The following PNPLA1 variants were observed in gnomAD, a reference collection of about 807,000 sequenced individuals.
PNPLA1 encodes patatin like domain 1, omega-hydroxyceramide transacylase, also known as omega-hydroxyceramide transacylase.
A neutral mutation model predicts 51.7 loss-of-function variants in PNPLA1; 36 were observed. The observed-to-expected ratio is 0.70, with a 90% CI of 0.53 to 0.92. The LOEUF is 0.92. Ranked by LOEUF, PNPLA1 falls within the 40% of genes least tolerant of loss-of-function variation. The pLI, the probability that PNPLA1 is intolerant of heterozygous loss-of-function variation, is 0.00. For missense variants in PNPLA1, 658 were observed against 682.5 expected, an observed-to-expected ratio of 0.96 and a Z score of 0.40; for synonymous variants, 293 against 280.1, an observed-to-expected ratio of 1.05 and a Z score of -0.46.
intron 1 of PNPLA1, among the ~76,000 whole-genome samples, chr6:36,259,657 A>T (rs998907992): frequency 1.3e-5 from 2 of 152,182 alleles, no homozygotes; most frequent in African/African-American, 4.8e-5. Context: ...ATACAGCCAT[A>T]AAAAAGAATG....
At chr6:36,253,630 T>C (rs998751282) in intron 1 of PNPLA1, among the ~76,000 whole-genome samples, 1 of 152,132 alleles carries the variant, frequency 6.6e-6, no homozygotes, top group African/African-American at 2.4e-5. Flanking sequence ...AATGCATCAC[T>C]ACACCCAACT....
intron 1 of PNPLA1, among the ~76,000 whole-genome samples, chr6:36,253,274 A>G (rs931925091): frequency 1.3e-5 from 2 of 152,228 alleles, no homozygotes; most frequent in Admixed American, 6.5e-5. Flanking sequence ...GCTACTCAAC[A>G]TAGCATTGGG....
chr6:36,246,974 C>T (rs1318095626), intron 1 of PNPLA1, among the ~76,000 whole-genome samples: 1 of 152,224 alleles, frequency 6.6e-6, no homozygotes, highest in Non-Finnish European at 1.5e-5. Flanking sequence ...GCACTCCCTG[C>T]GGATTTTAGG....
rs1276862039 is a variant in PNPLA1 at position 36,302,446 on chromosome 6, A to G, written c.1361A>G (p.Glu454Gly). 2 of 1,551,762 alleles carry G rather than the reference A, an allele frequency of 1.3e-6. No homozygotes were observed. Among genetic ancestry groups the G allele is most frequent in the Non-Finnish European group, 1.7e-6 (2 of 1,148,966 alleles). Residue 454 changes from glutamate (E) to glycine (G), a missense_variant, in exon 6 of 9, where the codon GAA becomes GGA. Transcript: ENST00000636260. Reference protein sequence around the residue: ...SAFPAQPPVEELGQEQPQAVA... With the variant: ...SAFPAQPPVEGLGQEQPQAVA... Reference sequence around the variant, plus strand: ...TTCCCTGCTCAGCCACCTGTGGAGGAACTAGGCCAAGAACAGCCCCAAGGT... The same window carrying G: ...TTCCCTGCTCAGCCACCTGTGGAGGGACTAGGCCAAGAACAGCCCCAAGGT...
intron 1 of PNPLA1, among the ~76,000 whole-genome samples, chr6:36,243,740 T>G (rs1769196015): frequency 6.6e-6 from 1 of 152,140 alleles, no homozygotes; most frequent in African/African-American, 2.4e-5. Context: ...CCCCCAACTC[T>G]GCTTTGATGT....
intron 1 of PNPLA1, among the ~76,000 whole-genome samples, chr6:36,252,374 G>T (rs1769438579): frequency 6.6e-6 from 1 of 152,148 alleles, no homozygotes; most frequent in Admixed American, 6.5e-5. Context: ...AGACAGCATG[G>T]ATTGCTGCAG....
chr6:36,306,182 A>G, intron 6 of PNPLA1, 110 bp from the exon 7 acceptor site: 3 of 801,974 alleles, frequency 3.7e-6, no homozygotes, highest in South Asian at 3.7e-5. Flanking sequence ...AGGACAAGAG[A>G]GTTCTTTGCT....
chr6:36,303,335 T>C (rs1289488389), intron 6 of PNPLA1, among the ~76,000 whole-genome samples: 1 of 152,190 alleles, frequency 6.6e-6, no homozygotes, highest in East Asian at 1.9e-4. Flanking sequence ...CTTTGTGATC[T>C]GCCCGCCTTG....
At chr6:36,305,967 C>G (rs1163579984) in intron 6 of PNPLA1, among the ~76,000 whole-genome samples, 4 of 152,100 alleles carry the variant, frequency 2.6e-5, no homozygotes, top group African/African-American at 9.7e-5. Flanking sequence ...GTTGGCCAGA[C>G]TGGTCTCAAA....
At chr6:36,284,583 CCA>C in intron 1 of PNPLA1, among the ~76,000 whole-genome samples, 1 of 152,000 alleles carries the variant, frequency 6.6e-6, no homozygotes, top group Non-Finnish European at 1.5e-5. Context: ...ATCCATCCAT[CCA>C]TCCATCCATC....
Position 36,302,306 on chromosome 6 carries a change from G to A in PNPLA1, c.1221G>A (p.Pro407=), listed in dbSNP as rs532607768. ...TGTCACCTCAGCAGCAGGTACAACC[G>A]TCTGGATCACCAGCCAGATCCCTAC... ...SPLSPQQQVQ[P]SGSPARSLHS... is the part of the protein sequence containing the mutation. The change falls in exon 6 of 9, where the codon CCG becomes CCA. Residue 407 remains proline, a synonymous_variant. Coordinates refer to ENST00000636260, the MANE Select transcript of PNPLA1 (RefSeq NM_001374623.1). 3.1e-5 allele frequency: 50 copies of A among 1,614,054 alleles called. No individual in the cohort carries two copies. Among genetic ancestry groups the A allele is most frequent in the Admixed American group, 2.0e-4 (12 of 60,018 alleles).
At chr6:36,271,412 A>G (rs998439332) in intron 1 of PNPLA1, among the ~76,000 whole-genome samples, 11 of 152,218 alleles carry the variant, frequency 7.2e-5, no homozygotes, top group African/African-American at 2.7e-4. Context: ...CTCCTATTCT[A>G]GACAGAGCTC....
In PNPLA1 at chr6:36,244,845, T is replaced by G. The variant is rs551679204; in HGVS notation, c.-81+1584T>G. Among the ~76,000 whole-genome samples, 7 of 152,266 alleles carry G rather than the reference T, an allele frequency of 4.6e-5. No homozygotes were observed. In the South Asian group the frequency reaches 1.5e-3, roughly 32 times the overall value. On this transcript the variant is annotated intron_variant, in intron 1 of 7. Transcript: ENST00000312917. ...GCAAAGCCAAGCACTGACATTGGGA[T>G]TTGCAGCAAGAGAAAGTGAGGCATT...
In PNPLA1 at chr6:36,305,879, G is replaced by A. The variant is rs147695107; in HGVS notation, c.1385-413G>A. ...GGTGATTCTCTTACCTCAGCCTCCC[G>A]AGTAGCTGAGATCACAGGCATGCAC... On this transcript the variant is annotated intron_variant, in intron 6 of 8. Transcript: ENST00000636260. Among the ~76,000 whole-genome samples the A allele has an allele frequency of 3.6e-4, 53 of 145,316 alleles. 1 individual carries two copies. In the East Asian group the frequency reaches 9.8e-3, roughly 27 times the overall value.
At chr6:36,306,419 A>G (rs575769690) in intron 7 of PNPLA1, 43 bp downstream of exon 7, 1 of 1,544,300 alleles carries the variant, frequency 6.5e-7, no homozygotes, top group South Asian at 1.2e-5. Flanking sequence ...CTTTGGACGG[A>G]AGAAGCAAGC....
chr6:36,251,102 A>G (rs1219970280), intron 1 of PNPLA1, among the ~76,000 whole-genome samples: 1 of 152,238 alleles, frequency 6.6e-6, no homozygotes, highest in African/African-American at 2.4e-5. Flanking sequence ...GGGAACCAAC[A>G]GTTCTGCCTC....
chr6:36,286,494 A>G (rs1770491457), intron 1 of PNPLA1, among the ~76,000 whole-genome samples: 1 of 152,080 alleles, frequency 6.6e-6, no homozygotes, highest in Admixed American at 6.5e-5. Flanking sequence ...CACATGCTGT[A>G]GTTCCAGCTA....
intron 2 of PNPLA1, among the ~76,000 whole-genome samples, chr6:36,292,288 C>A (rs140141086): frequency 1.1e-4 from 16 of 152,206 alleles, no homozygotes; most frequent in African/African-American, 3.9e-4. Flanking sequence ...CAGACACCAC[C>A]TCCGTCCCTC....
chr6:36,248,136 T>C (rs1471302200), intron 1 of PNPLA1, among the ~76,000 whole-genome samples: 1 of 151,990 alleles, frequency 6.6e-6, no homozygotes, highest in Admixed American at 6.6e-5. Context: ...GCAGAGAAAA[T>C]GTTTGGTGTA....
Sources: gnomAD v4.1 joint callset for allele counts (sites outside exome capture counted in the v4.1 genomes callset) on GRCh38, gnomAD v4.1.1 for gene constraint, MANE v1.5 for transcripts, NCBI Gene and HGNC (gene_info 2026-07-23, HGNC 2026-07-21) for gene names.